The following TLE5 variants were observed in gnomAD, a reference collection of about 807,000 sequenced individuals.
The protein encoded by TLE5 is TLE family member 5, transcriptional modulator, also known as TLE family member 5.
In TLE5, 7 loss-of-function variants were observed where a neutral mutation model predicts 25.8. The observed-to-expected ratio is 0.27, with a 90% CI of 0.15 to 0.51. TLE5 has a LOEUF of 0.51. Among genes scored for constraint, TLE5 ranks in the 20% least tolerant of loss-of-function variants. TLE5 has a pLI of 0.97. For synonymous variants in TLE5, 132 were observed against 110.5 expected (o/e 1.20, Z -1.22); for missense variants, 149 against 250.7 (o/e 0.59, Z 2.74).
At chr19:3,062,756 C>T (rs750825953), upstream of TLE5, 6 of 1,547,132 alleles carry the variant, frequency 3.9e-6, no homozygotes, top group African/African-American at 8.2e-5. Flanking sequence ...GACCCGGCTG[C>T]CCGCGTCGAA....
At chr19:3,061,308 C>T (rs570327889) in intron 1 of TLE5, 51 bp from the exon 2 acceptor site, 35 of 1,457,150 alleles carry the variant, frequency 2.4e-5, no homozygotes, top group Non-Finnish European at 3.2e-5. Flanking sequence ...CTGGACCCCC[C>T]TCAAGGGCCG....
intron 1 of TLE5, among the ~76,000 whole-genome samples, chr19:3,061,566 G>A (rs1038871041): frequency 6.6e-6 from 1 of 151,938 alleles, no homozygotes; most frequent in Non-Finnish European, 1.5e-5. Context: ...AAAGCGCCGG[G>A]AGGGAGTGCA....
At chr19:3,061,520 T>C (rs1181765329) in intron 1 of TLE5, 2 of 276,026 alleles carry the variant, frequency 7.2e-6, no homozygotes, top group Non-Finnish European at 6.9e-6. Flanking sequence ...AGGCCCGCCC[T>C]AGATGGGGGG....
intron 1 of TLE5, among the ~76,000 whole-genome samples, chr19:3,061,695 CG>C (rs1252610801): frequency 6.6e-6 from 1 of 150,884 alleles, no homozygotes; most frequent in African/African-American, 2.4e-5. Flanking sequence ...CGAAATCTTC[CG>C]GGGGGGCCCA....
chr19:3,061,316 C>A, intron 1 of TLE5, 59 bp from the exon 2 acceptor site: 9 of 1,411,446 alleles, frequency 6.4e-6, no homozygotes, highest in Non-Finnish European at 9.0e-6. Context: ...CCCTCAAGGG[C>A]CGGCTAGGAG....
chr19:3,055,790 G>A, intron 4 of TLE5, 64 bp from the exon 5 acceptor site: 2 of 1,522,292 alleles, frequency 1.3e-6, no homozygotes, highest in South Asian at 2.5e-5. Flanking sequence ...CTAGCCACAG[G>A]AGGCCTGCGC....
In TLE5 at chr19:3,053,562, T is replaced by TA; in HGVS notation, c.*256dup. 1 of 564,230 alleles carries TA rather than the reference T, an allele frequency of 1.8e-6. No individual in the cohort carries two copies. The highest frequency in any genetic ancestry group is 3.2e-6 in the Non-Finnish European group (1 of 316,202). The allele number at this position is 564,230 out of a possible 1,614,324, so 35.0% of individuals were successfully genotyped here. A position where few individuals can be genotyped will look rare whatever the true frequency, so the allele number is the denominator to read the frequency against. On this transcript the variant is annotated 3_prime_UTR_variant, in exon 7 of 7. Transcript: ENST00000327141. ...GTCTCCCATCTGACCCTCCAGGCCT[T>TA]AGCTTGCCTCACATGTCAGGGCAGG...
At chr19:3,062,735 C>A, upstream of TLE5, 1 of 1,541,540 alleles carries the variant, frequency 6.5e-7, no homozygotes, top group South Asian at 1.2e-5. Flanking sequence ...CCCCATCTGT[C>A]AAAGAAAAGG....
chr19:3,062,544 C>A, upstream of TLE5: 2 of 719,750 alleles, frequency 2.8e-6, no homozygotes, highest in Non-Finnish European at 3.4e-6. Flanking sequence ...TGCCGCCGCC[C>A]GTGCCCCGTG....
chr19:3,056,298 G>A lies in TLE5; in HGVS notation c.234+14C>T. 3.9e-6 allele frequency: 6 copies of A among 1,519,920 alleles called. No homozygotes were observed. The highest frequency in any genetic ancestry group is 5.3e-6 in the Non-Finnish European group (6 of 1,131,426). 94.2% of individuals were successfully genotyped at this position (1,519,920 alleles called of 1,614,324 possible). ...AGGAGGAGGAGGAGGAGGAGGAGGA[G>A]GAGATGGGCGTACCTGTTTGTGCAT... On this transcript the variant is annotated intron_variant, in intron 4 of 6. Coordinates refer to ENST00000327141, the MANE Select transcript of TLE5 (RefSeq NM_001130.6).
chr19:3,054,086 T>TCGGGGGGGGGGGCGCC, intron 6 of TLE5, 34 bp downstream of exon 6: 1 of 1,512,816 alleles, frequency 6.6e-7, no homozygotes, highest in Non-Finnish European at 8.9e-7. Flanking sequence ...GGCCCACCTG[T>TCGGGGGGGGGGGCGCC]CCCCCGCCCA....
At chr19:3,054,086 T>TCGGGGGGGGGCGC in intron 6 of TLE5, 34 bp downstream of exon 6, 2 of 1,512,792 alleles carry the variant, frequency 1.3e-6, no homozygotes. Flanking sequence ...GGCCCACCTG[T>TCGGGGGGGGGCGC]CCCCCGCCCA....
Position 3,053,890 on chromosome 19 carries a change from G to A in TLE5, c.523C>T (p.Leu175Phe), listed in dbSNP as rs538258407. ...TGCCCGTTCTTGTCTTCCTTGGAGA[G>A]GTGGGCCTGGGAACCCAGCGCGGAC... ...SLSALGSQAH[L>F]SKEDKNGHDG... Residue 175 changes from leucine to phenylalanine, a missense_variant, in exon 7 of 7, where the codon CTC (leucine) becomes TTC (phenylalanine). Leu to Phe is a conservative substitution (Grantham distance 22). Coordinates refer to ENST00000327141, the MANE Select transcript of TLE5 (RefSeq NM_001130.6). 6.2e-7 allele frequency: 1 copy of A among 1,613,288 alleles called. No homozygotes were observed. The highest frequency in any genetic ancestry group is 1.3e-5 in the African/African-American group (1 of 75,048).
chr19:3,057,640 C>A, intron 3 of TLE5, 39 bp downstream of exon 3: 1 of 1,604,156 alleles, frequency 6.2e-7, no homozygotes, highest in Non-Finnish European at 8.5e-7. Flanking sequence ...GCCCTGTCGC[C>A]CGCCCCCAAC....
In TLE5 at chr19:3,062,238, G is replaced by A; in HGVS notation, c.-38C>T. ...GGGGGGCGCGGGCTGCGCCCCGGCT[G>A]TGCGCCCCGGCTCGGGCTGCTGGGG... On this transcript the variant is annotated 5_prime_UTR_variant, in exon 1 of 7. Coordinates refer to ENST00000327141, the MANE Select transcript of TLE5 (RefSeq NM_001130.6). 9.1e-7 allele frequency: 1 copy of A among 1,095,740 alleles called. No homozygotes were observed. Among genetic ancestry groups the A allele is most frequent in the Non-Finnish European group, 1.1e-6 (1 of 899,730 alleles). 67.9% of individuals were successfully genotyped at this position (1,095,740 alleles called of 1,614,324 possible). A position where few individuals can be genotyped will look rare whatever the true frequency, so the allele number is the denominator to read the frequency against.
intron 2 of TLE5, among the ~76,000 whole-genome samples, chr19:3,058,138 G>C (rs1336649730): frequency 6.6e-6 from 1 of 152,036 alleles, no homozygotes; most frequent in Non-Finnish European, 1.5e-5. Flanking sequence ...CAGGGCCCCT[G>C]ACTGTAAGAA....
At position 3,062,234 on chromosome 19, in the gene TLE5, G is replaced by C; in HGVS notation, c.-34C>G. 9.1e-7 allele frequency: 1 copy of C among 1,104,874 alleles called. No homozygotes were observed. The highest frequency in any genetic ancestry group is 5.2e-5 in the Admixed American group (1 of 19,136). 68.4% of individuals were successfully genotyped at this position (1,104,874 alleles called of 1,614,324 possible). On this transcript the variant is annotated 5_prime_UTR_variant, in exon 1 of 7. Coordinates refer to ENST00000327141, the MANE Select transcript of TLE5 (RefSeq NM_001130.6). ...CGGCGGGGGGCGCGGGCTGCGCCCC[G>C]GCTGTGCGCCCCGGCTCGGGCTGCT...
chr19:3,060,668 A>T (rs1047162447), intron 2 of TLE5, among the ~76,000 whole-genome samples: 1 of 152,110 alleles, frequency 6.6e-6, no homozygotes, highest in African/African-American at 2.4e-5. Context: ...AGGACTAAAT[A>T]GTTCCTTCCC....
intron 2 of TLE5, among the ~76,000 whole-genome samples, chr19:3,058,824 G>A (rs1302129025): frequency 6.6e-6 from 1 of 152,096 alleles, no homozygotes; most frequent in Non-Finnish European, 1.5e-5. Flanking sequence ...CCAGCACAGG[G>A]GCCCTGCGGA....
Sources: gnomAD v4.1 joint callset for allele counts (sites outside exome capture counted in the v4.1 genomes callset) on GRCh38, gnomAD v4.1.1 for gene constraint, MANE v1.5 for transcripts, NCBI Gene and HGNC (gene_info 2026-07-23, HGNC 2026-07-21) for gene names.